The following TTC27 variants were observed in gnomAD, a reference collection of about 807,000 sequenced individuals.
TTC27 encodes the protein tetratricopeptide repeat domain 27.
A neutral mutation model predicts 115.9 loss-of-function variants in TTC27; 79 were observed. The ratio of observed to expected loss-of-function variants is 0.68; its 90% CI spans 0.57 to 0.82. The LOEUF (loss-of-function observed/expected upper bound fraction) is 0.82, where lower values mean the gene tolerates loss of function less well. Among genes scored for constraint, TTC27 ranks in the 40% least tolerant of loss-of-function variants. The probability of loss-of-function intolerance (pLI) is 0.00; values close to 1 mark genes in which losing one functional copy is unlikely to be tolerated. For synonymous variants in TTC27, 401 were observed against 356.0 expected, an observed-to-expected ratio of 1.13 and a Z score of -1.42; for missense variants, 1,054 against 993.1, an observed-to-expected ratio of 1.06 and a Z score of -0.82.
At chr2:32,775,348 C>G (rs910602566) in intron 13 of TTC27, among the ~76,000 whole-genome samples, 16 of 152,132 alleles carry the variant, frequency 1.1e-4, no homozygotes, top group Admixed American at 9.2e-4. Flanking sequence ...CAGGCGCCCA[C>G]CACCACGCCC....
intron 10 of TTC27, among the ~76,000 whole-genome samples, chr2:32,710,034 G>C (rs980144277): frequency 6.6e-6 from 1 of 152,116 alleles, no homozygotes; most frequent in Admixed American, 6.6e-5. Context: ...TTGTATTTGA[G>C]ATAGGAGGTC....
rs1489392009 is a variant in TTC27 at position 32,663,643 on chromosome 2, TGTA to T, written c.641-659_641-657del. On this transcript the variant is annotated intron_variant, in intron 5 of 19. Coordinates refer to ENST00000317907, the MANE Select transcript of TTC27 (RefSeq NM_017735.5). ...TTGACAGCCACCCCCTATTTATGTA[TGTA>T]TGTATGTATGTATGTATGTATGTAT... Among the ~76,000 whole-genome samples the T allele has an allele frequency of 6.3e-3, 374 of 59,214 alleles. 1 individual carries two copies. Among genetic ancestry groups the T allele is most frequent in the Non-Finnish European group, 0.011 (286 of 26,224 alleles). 38.8% of individuals were successfully genotyped at this position (59,214 alleles called of 152,430 possible).
intron 9 of TTC27, among the ~76,000 whole-genome samples, chr2:32,686,357 T>C (rs1572514951): frequency 6.6e-6 from 1 of 152,136 alleles, no homozygotes; most frequent in South Asian, 2.1e-4. Context: ...GGAGGACTTC[T>C]GCTTCTGTAG....
Position 32,633,779 on chromosome 2 carries a change from ATAT to A in TTC27, c.267-92_267-90del, listed in dbSNP as rs1374274769. ...GGATAGTCTCAATAAATGTTGATAGATATTATTTTCTTAATAAAACTGAAATGG... is the reference window on the plus strand; with the variant it reads ...GGATAGTCTCAATAAATGTTGATAGATATTTTCTTAATAAAACTGAAATGG... On this transcript the variant is annotated intron_variant, in intron 2 of 19. Coordinates refer to ENST00000317907, the MANE Select transcript of TTC27 (RefSeq NM_017735.5). 2.1e-5 allele frequency: 28 copies of A among 1,357,142 alleles called. 1 individual carries two copies. The Admixed American group carries it at 2.8e-4, about 14-fold the overall frequency. The allele number at this position is 1,357,142 out of a possible 1,614,324, so 84.1% of individuals were successfully genotyped here.
chr2:32,694,079 A>G (rs944914181), intron 9 of TTC27, among the ~76,000 whole-genome samples: 3 of 152,194 alleles, frequency 2.0e-5, no homozygotes, highest in Admixed American at 1.3e-4. Flanking sequence ...CAAGAGGCTA[A>G]CTCTCTAGTC....
At chr2:32,677,325 T>C (rs928571803) in intron 8 of TTC27, among the ~76,000 whole-genome samples, 1 of 152,146 alleles carries the variant, frequency 6.6e-6, no homozygotes, top group Non-Finnish European at 1.5e-5. Flanking sequence ...ATACACAATA[T>C]TGCTATGGAT....
intron 15 of TTC27, among the ~76,000 whole-genome samples, chr2:32,784,244 A>T (rs1670276415): frequency 6.6e-6 from 1 of 152,164 alleles, no homozygotes; most frequent in Non-Finnish European, 1.5e-5. Flanking sequence ...GGGTTCTTGC[A>T]TATTGTTTCT....
chr2:32,628,146 C>T lies in TTC27; in HGVS notation c.-147C>T. ...CCGCCTCCTTGAGGTAGTATCCGCACATGGAATTCTAGGGCCGCAGGTGTA... is the reference window on the plus strand; with the variant it reads ...CCGCCTCCTTGAGGTAGTATCCGCATATGGAATTCTAGGGCCGCAGGTGTA... On this transcript the variant is annotated 5_prime_UTR_variant, in exon 1 of 20. Transcript: ENST00000317907. The T allele has an allele frequency of 1.4e-6, 1 of 721,764 alleles. No individual in the cohort carries two copies. Among genetic ancestry groups the T allele is most frequent in the South Asian group, 1.8e-5 (1 of 56,986 alleles). 44.7% of individuals were successfully genotyped at this position (721,764 alleles called of 1,614,324 possible).
At position 32,774,494 on chromosome 2, in the gene TTC27, A is replaced by G. The variant is rs114068430; in HGVS notation, c.1681-3388A>G. ...TTTGACTTTTTGAAATGTAGAAAAT[A>G]TAATGAGGCTACTAGCATGATACTT... On this transcript the variant is annotated intron_variant, in intron 13 of 19. Transcript: ENST00000317907. 3.0e-3 allele frequency among the ~76,000 whole-genome samples: 459 copies of G among 152,300 alleles called. 5 individuals are homozygous for G. Among genetic ancestry groups the G allele is most frequent in the African/African-American group, 0.011 (438 of 41,568 alleles).
At chr2:32,665,034 A>G (rs1025654190) in intron 6 of TTC27, among the ~76,000 whole-genome samples, 1 of 150,780 alleles carries the variant, frequency 6.6e-6, no homozygotes, top group Non-Finnish European at 1.5e-5. Flanking sequence ...TTTAGTAGGG[A>G]TGTGGTTTCA....
intron 12 of TTC27, among the ~76,000 whole-genome samples, chr2:32,743,674 A>G (rs190144589): frequency 1.3e-5 from 2 of 152,260 alleles, no homozygotes; most frequent in East Asian, 3.9e-4. Context: ...CCTTCAGGCC[A>G]TCAGTTTTGC....
intron 10 of TTC27, among the ~76,000 whole-genome samples, chr2:32,708,087 T>G (rs1405326333): frequency 6.6e-6 from 1 of 152,112 alleles, no homozygotes; most frequent in Non-Finnish European, 1.5e-5. Context: ...TGAACAACAC[T>G]GCTTTGAACT....
rs1218613384 is a variant in TTC27 at position 32,681,978 on chromosome 2, ATATGTGTGTGTGTGTGTGTGTGTG to A, written c.1119+3058_1119+3081del. ...TATAATTATTTATATATATGTATATATATGTGTGTGTGTGTGTGTGTGTGTGTGTGTGTGTGTGTGTGTGTGTGT... is the reference window on the plus strand; with the variant it reads ...TATAATTATTTATATATATGTATATATGTGTGTGTGTGTGTGTGTGTGTGT... On this transcript the variant is annotated intron_variant, in intron 9 of 19. Transcript: ENST00000317907. 9.5e-4 allele frequency among the ~76,000 whole-genome samples: 131 copies of A among 137,888 alleles called. 1 individual carries two copies. The highest frequency in any genetic ancestry group is 3.1e-3 in the African/African-American group (112 of 36,226). The allele number at this position is 137,888 out of a possible 152,430, so 90.5% of individuals were successfully genotyped here. A position where few individuals can be genotyped will look rare whatever the true frequency, so the allele number is the denominator to read the frequency against.
intron 5 of TTC27, among the ~76,000 whole-genome samples, chr2:32,651,965 C>T (rs1194125028): frequency 6.6e-6 from 1 of 152,164 alleles, no homozygotes; most frequent in East Asian, 1.9e-4. Context: ...TAGCAGGGGG[C>T]CTGTTAGATG....
intron 15 of TTC27, 54 bp downstream of exon 15, chr2:32,782,732 A>T (rs1039490080): frequency 2.9e-6 from 4 of 1,396,544 alleles, no homozygotes; most frequent in Middle Eastern, 1.9e-4. Flanking sequence ...AATGAATGAG[A>T]TTTTCTACAA....
At chr2:32,671,677 C>T (rs1010783547) in intron 7 of TTC27, among the ~76,000 whole-genome samples, 3 of 152,156 alleles carry the variant, frequency 2.0e-5, no homozygotes, top group Non-Finnish European at 2.9e-5. Context: ...CGATCATTTG[C>T]ATTTCCATAT....
At chr2:32,748,808 A>C (rs1668914474) in intron 12 of TTC27, among the ~76,000 whole-genome samples, 1 of 150,806 alleles carries the variant, frequency 6.6e-6, no homozygotes, top group African/African-American at 2.4e-5. Context: ...CTGCCTCAGC[A>C]TCCTGGGTAG....
At chr2:32,713,888 G>C (rs1667667005) in intron 10 of TTC27, among the ~76,000 whole-genome samples, 1 of 152,160 alleles carries the variant, frequency 6.6e-6, no homozygotes, top group South Asian at 2.1e-4. Context: ...CATAGTACCT[G>C]ATAAGTAATT....
At chr2:32,669,634 C>G (rs1296013035) in intron 7 of TTC27, among the ~76,000 whole-genome samples, 1 of 151,992 alleles carries the variant, frequency 6.6e-6, no homozygotes, top group African/African-American at 2.4e-5. Context: ...CCTGTAGTCC[C>G]AGCACTTTGG....
Sources: allele counts gnomAD v4.1 joint callset (sites outside exome capture counted in the v4.1 genomes callset), GRCh38; gene constraint gnomAD v4.1.1; transcripts MANE v1.5; gene names NCBI Gene and HGNC (gene_info 2026-07-23, HGNC 2026-07-21).